MAPK6: variants seen among roughly 807,000 people sequenced by gnomAD.
MAPK6 encodes ERK-3.
A neutral mutation model predicts 59.3 loss-of-function variants in MAPK6; 19 were observed. The ratio of observed to expected loss-of-function variants is 0.32; its 90% CI spans 0.22 to 0.47. MAPK6 has a LOEUF of 0.47. Among genes scored for constraint, MAPK6 ranks in the 20% least tolerant of loss-of-function variants. The probability of loss-of-function intolerance (pLI) is 1.00; values close to 1 mark genes in which losing one functional copy is unlikely to be tolerated. For synonymous variants in MAPK6, 316 were observed against 290.3 expected, an observed-to-expected ratio of 1.09 and a Z score of -0.90; for missense variants, 724 against 847.9, an observed-to-expected ratio of 0.85 and a Z score of 1.81.
upstream of MAPK6, among the ~76,000 whole-genome samples, chr15:52,016,100 AC>A (rs1341312325): frequency 8.7e-5 from 12 of 137,678 alleles, no homozygotes; most frequent in African/African-American, 3.3e-4. Flanking sequence ...ACACACACAC[AC>A]ACACACAAAC....
chr15:52,058,605 T>C lies in MAPK6; in HGVS notation c.701-28T>C, dbSNP rs574125550. 3.2e-6 allele frequency: 5 copies of C among 1,556,510 alleles called. No individual in the cohort carries two copies. The Admixed American group carries it at 9.4e-5, about 29-fold the overall frequency. On this transcript the variant is annotated intron_variant, in intron 3 of 5. Coordinates refer to ENST00000261845, the MANE Select transcript of MAPK6 (RefSeq NM_002748.4). ...TGAAATAAGTAAACATTGAGGAATGTGTTTTTTTGTTTGTTTTTTAACCTC... is the reference window on the plus strand; with the variant it reads ...TGAAATAAGTAAACATTGAGGAATGCGTTTTTTTGTTTGTTTTTTAACCTC...
At chr15:52,031,411 T>C (rs1315258972) in intron 1 of MAPK6, among the ~76,000 whole-genome samples, 1 of 152,242 alleles carries the variant, frequency 6.6e-6, no homozygotes, top group African/African-American at 2.4e-5. Flanking sequence ...AATGTGTTTT[T>C]TAAGTTCTCT....
At chr15:52,058,555 T>G in intron 3 of MAPK6, 78 bp from the exon 4 acceptor site, 1 of 1,231,308 alleles carries the variant, frequency 8.1e-7, no homozygotes, top group Non-Finnish European at 1.1e-6. Flanking sequence ...ATTATAATAT[T>G]TAAATTAGTT....
upstream of MAPK6, among the ~76,000 whole-genome samples, chr15:52,016,072 A>ACG (rs2030251519): frequency 6.4e-5 from 4 of 62,046 alleles, no homozygotes; most frequent in African/African-American, 2.0e-4. Context: ...GCGCGCGCGC[A>ACG]CACACACACA....
At chr15:52,027,935 G>C (rs1368902820) in intron 1 of MAPK6, 1 of 143,448 alleles carries the variant, frequency 7.0e-6, no homozygotes, top group Non-Finnish European at 1.5e-5. Flanking sequence ...ACCACGCCCG[G>C]CTAATTTTTG....
intron 1 of MAPK6, among the ~76,000 whole-genome samples, chr15:51,973,932 C>A (rs2057149394): frequency 6.6e-6 from 1 of 151,726 alleles, no homozygotes; most frequent in African/African-American, 2.4e-5. Flanking sequence ...AATTACAGGC[C>A]TGAGCCACCG....
intron 1 of MAPK6, among the ~76,000 whole-genome samples, chr15:52,021,885 G>GT (rs200992231): frequency 5.9e-4 from 90 of 151,326 alleles, no homozygotes; most frequent in African/African-American, 9.0e-4. Context: ...ATTTTTCATG[G>GT]TTTTTTTTTA....
At chr15:51,988,543 C>T (rs1331738134) in intron 2 of MAPK6, among the ~76,000 whole-genome samples, 1 of 151,836 alleles carries the variant, frequency 6.6e-6, no homozygotes, top group African/African-American at 2.4e-5. Context: ...ACCAGCCTGG[C>T]CAACATTATG....
chr15:52,018,035 T>G (rs995977783), upstream of MAPK6: 13 of 151,968 alleles, frequency 8.6e-5, no homozygotes, highest in Admixed American at 5.9e-4. Context: ...CATTACTCTG[T>G]GATTTTTTTT....
intron 1 of MAPK6, among the ~76,000 whole-genome samples, chr15:51,973,833 G>T (rs2057149107): frequency 6.6e-6 from 1 of 151,724 alleles, no homozygotes; most frequent in Non-Finnish European, 1.5e-5. Context: ...TGTATTTTTA[G>T]TAGAGATGGG....
intron 1 of MAPK6, among the ~76,000 whole-genome samples, chr15:52,037,777 C>G (rs962164102): frequency 6.6e-6 from 1 of 152,084 alleles, no homozygotes; most frequent in South Asian, 2.1e-4. Flanking sequence ...CTGAAAAATT[C>G]GAGGATAGGA....
At position 52,065,742 on chromosome 15, in the gene MAPK6, ATACTT is replaced by A. The variant is rs61501443; in HGVS notation, c.*749_*753del. 0.83 allele frequency: 125,781 copies of A among 151,876 alleles called. 52,851 individuals carry two copies. Among genetic ancestry groups the A allele is most frequent in the Non-Finnish European group, 0.89 (60,293 of 67,748 alleles). The allele number at this position is 151,876 out of a possible 1,614,324, so 9.4% of individuals were successfully genotyped here. A position where few individuals can be genotyped will look rare whatever the true frequency, so the allele number is the denominator to read the frequency against. On this transcript the variant is annotated 3_prime_UTR_variant, in exon 6 of 6. Transcript: ENST00000261845. Reference sequence around the variant, plus strand: ...TAGTTTTTAAAATTTATTTGCAAATATACTTTACTTTTTCCATTTGGCACTATGGT... The same window carrying A: ...TAGTTTTTAAAATTTATTTGCAAATATACTTTTTCCATTTGGCACTATGGT...
At chr15:52,020,224 A>G (rs748450516) in intron 1 of MAPK6, among the ~76,000 whole-genome samples, 2 of 152,242 alleles carry the variant, frequency 1.3e-5, no homozygotes, top group Admixed American at 1.3e-4. Context: ...GTCGAAAAGT[A>G]AAGGTGTTTT....
Position 51,974,395 on chromosome 15 carries a change from C to G in MAPK6, c.-880+2489C>G, listed in dbSNP as rs569683440. The stretch of plus-strand genomic sequence containing the variant: ...TGACAGGCCGGGCACGGTGGCTCAC[C>G]CCTGTAATCCCAGCACTTTGGGAGG... On this transcript the variant is annotated intron_variant, in intron 1 of 7. Transcript: ENST00000691380. 1.3e-3 allele frequency among the ~76,000 whole-genome samples: 196 copies of G among 151,194 alleles called. 12 individuals carry two copies. Among genetic ancestry groups the G allele is most frequent in the East Asian group, 9.2e-3 (47 of 5,112 alleles).
At chr15:52,019,736 C>T (rs979891793) in intron 1 of MAPK6, among the ~76,000 whole-genome samples, 3 of 151,344 alleles carry the variant, frequency 2.0e-5, no homozygotes, top group East Asian at 1.9e-4. Flanking sequence ...CCCCGCACGC[C>T]TGCTGCCGTC....
chr15:52,029,034 T>G (rs187744982), intron 1 of MAPK6, among the ~76,000 whole-genome samples: 2 of 152,368 alleles, frequency 1.3e-5, no homozygotes, highest in East Asian at 3.8e-4. Context: ...CACCTTGTTA[T>G]ACTGTATGCT....
At chr15:52,050,653 T>C (rs2031748573) in intron 3 of MAPK6, among the ~76,000 whole-genome samples, 1 of 152,200 alleles carries the variant, frequency 6.6e-6, no homozygotes, top group African/African-American at 2.4e-5. Context: ...ATAAAATTAT[T>C]TAGTATAGAC....
Position 52,066,754 on chromosome 15 carries a change from A to G in MAPK6, c.*1754A>G, listed in dbSNP as rs2032432110. ...ACTTCATCTGGATTCACAAAGCCAT[A>G]TATATACACGTGTGTGTGTGTGTGT... On this transcript the variant is annotated 3_prime_UTR_variant, in exon 6 of 6. Transcript: ENST00000261845. 7.4e-6 allele frequency: 1 copy of G among 135,710 alleles called. No homozygotes were observed. 8.4% of individuals were successfully genotyped at this position (135,710 alleles called of 1,614,324 possible).
upstream of MAPK6, among the ~76,000 whole-genome samples, chr15:52,014,781 G>A (rs541136876): frequency 7.9e-5 from 12 of 151,448 alleles, no homozygotes; most frequent in Non-Finnish European, 1.6e-4. Context: ...TAAAATAATG[G>A]CATGTTTCAT....
Sources: gnomAD v4.1 joint callset for allele counts (sites outside exome capture counted in the v4.1 genomes callset) on GRCh38, gnomAD v4.1.1 for gene constraint, MANE v1.5 for transcripts, NCBI Gene and HGNC (gene_info 2026-07-23, HGNC 2026-07-21) for gene names.